Variants in ZZEF1 observed in about 807,000 individuals in gnomAD.
ZZEF1 encodes zinc finger ZZ-type and EF-hand domain-containing protein 1.
Under a neutral mutation model 342.8 loss-of-function variants are expected in ZZEF1, and 157 were observed. The observed-to-expected ratio is 0.46, with a 90% CI of 0.40 to 0.52. The LOEUF is 0.52. Ranked by LOEUF, ZZEF1 falls within the 20% of genes least tolerant of loss-of-function variation. The pLI, the probability that ZZEF1 is intolerant of heterozygous loss-of-function variation, is 0.00. For missense variants in ZZEF1, 3,480 were observed against 3,725.6 expected (o/e 0.93, Z 1.72); for synonymous variants, 1,505 against 1,429.1 (o/e 1.05, Z -1.20).
At chr17:4,074,444 T>G in intron 23 of ZZEF1, 93 bp from the exon 24 acceptor site, 2 of 1,312,340 alleles carry the variant, frequency 1.5e-6, no homozygotes, top group Non-Finnish European at 2.2e-6. Flanking sequence ...CATCTCAGTT[T>G]AAAATTGATC....
chr17:4,050,642 T>A, intron 36 of ZZEF1, 139 bp downstream of exon 36: 1 of 1,229,412 alleles, frequency 8.1e-7, no homozygotes, highest in East Asian at 2.5e-5. Flanking sequence ...AAAAATTAAG[T>A]TCCACACCAG....
At position 4,014,159 on chromosome 17, in the gene ZZEF1, C is replaced by T. The variant is rs778659043; in HGVS notation, c.8344G>A (p.Asp2782Asn). The T allele has an allele frequency of 6.8e-6, 11 of 1,613,948 alleles. No individual in the cohort carries two copies. Among genetic ancestry groups the T allele is most frequent in the East Asian group, 2.2e-5 (1 of 44,894 alleles). ...GDTLYYRFTS[D>N]MSNTEWGYRF... Reference sequence around the variant, plus strand: ...TAGCCCCACTCGGTGTTGCTCATGTCGGAGGTGAAGCGGTAATACAGAGTG... The same window carrying T: ...TAGCCCCACTCGGTGTTGCTCATGTTGGAGGTGAAGCGGTAATACAGAGTG... Residue 2782 changes from aspartate (D) to asparagine (N), a missense_variant, in exon 51 of 55, where the codon GAC becomes AAC. Asp to Asn is a conservative substitution (Grantham distance 23). Coordinates refer to ENST00000381638, the MANE Select transcript of ZZEF1 (RefSeq NM_015113.4). This position sits in a 1 kb window ranked among gnomAD's most constrained non-coding sequence, Gnocchi z 4.4.
chr17:4,082,625 A>C, intron 16 of ZZEF1, 121 bp from the exon 17 acceptor site: 1 of 891,818 alleles, frequency 1.1e-6, no homozygotes, highest in South Asian at 1.5e-5. Context: ...CCAGGCCAGC[A>C]GACTACCTCA....
chr17:4,077,365 T>C (rs1012444463), intron 19 of ZZEF1, among the ~76,000 whole-genome samples: 1 of 152,122 alleles, frequency 6.6e-6, no homozygotes, highest in Non-Finnish European at 1.5e-5. Flanking sequence ...AATATAAGTG[T>C]TTTCGTCACA....
chr17:4,132,808 T>C (rs112907009), intron 1 of ZZEF1, among the ~76,000 whole-genome samples: 4 of 145,268 alleles, frequency 2.8e-5, no homozygotes, highest in South Asian at 4.7e-4. Flanking sequence ...CTACTAAAAA[T>C]ACAAAAAATT....
At chr17:4,082,916 C>T (rs1333225465) in intron 16 of ZZEF1, among the ~76,000 whole-genome samples, 1 of 152,178 alleles carries the variant, frequency 6.6e-6, no homozygotes, top group East Asian at 1.9e-4. Context: ...TCTAGGATTA[C>T]AGGAGCCCAC....
chr17:4,075,008 A>G (rs952525363), intron 23 of ZZEF1, 89 bp downstream of exon 23: 5 of 1,331,624 alleles, frequency 3.8e-6, no homozygotes, highest in Non-Finnish European at 5.3e-6. Flanking sequence ...CCTCCCTTCA[A>G]AGACCTTACC....
intron 21 of ZZEF1, among the ~76,000 whole-genome samples, 191 bp from the exon 22 acceptor site, chr17:4,075,620 CGAG>C (rs1567818267): frequency 6.6e-6 from 1 of 152,144 alleles, no homozygotes; most frequent in Non-Finnish European, 1.5e-5. Context: ...ACCACGCAGC[CGAG>C]GAGATGTGCT....
chr17:4,108,861 C>T (rs1469881040), intron 6 of ZZEF1, among the ~76,000 whole-genome samples: 1 of 152,198 alleles, frequency 6.6e-6, no homozygotes, highest in African/African-American at 2.4e-5. Flanking sequence ...TATTTGCTAA[C>T]AGTTTTACTC....
In ZZEF1 at chr17:4,024,927, T is replaced by G; in HGVS notation, c.7084A>C (p.Thr2362Pro). 6.2e-7 allele frequency: 1 copy of G among 1,614,178 alleles called. No individual in the cohort carries two copies. Among genetic ancestry groups the G allele is most frequent in the Non-Finnish European group, 8.5e-7 (1 of 1,180,026 alleles). ...GAGAAGCTCCCCATTACCTTTAGTG[T>G]TTTATACAATCCTTTCAGGGCCAGG... ...LSLALKGLYK[T>P]LKAHGFEEIR... Residue 2362 changes from threonine to proline, a missense_variant, in exon 43 of 55, where the codon ACA becomes CCA. Thr to Pro is a conservative substitution (Grantham distance 38). This residue lies in a region of ZZEF1 where 1,269 missense variants were observed against 1,342.4 expected (regional missense o/e 0.95). Transcript: ENST00000381638.
Position 4,032,117 on chromosome 17 carries a change from G to A in ZZEF1, c.6892+9C>T, listed in dbSNP as rs192885514. 644 of 1,603,546 alleles carry A rather than the reference G, an allele frequency of 4.0e-4. 5 individuals carry two copies. Among genetic ancestry groups the A allele is most frequent in the Middle Eastern group, 1.7e-3 (10 of 6,002 alleles). On this transcript the variant is annotated intron_variant, in intron 42 of 54. Coordinates refer to ENST00000381638, the MANE Select transcript of ZZEF1 (RefSeq NM_015113.4). The stretch of plus-strand genomic sequence containing the variant: ...TCCATTCTTAGAAAAAAATAATTAC[G>A]CATGGTACCTGTTTTCCTCTTCCGA...
At chr17:4,098,165 G>A (rs1306879984) in intron 9 of ZZEF1, among the ~76,000 whole-genome samples, 1 of 151,474 alleles carries the variant, frequency 6.6e-6, no homozygotes, top group African/African-American at 2.4e-5. Flanking sequence ...TTGAACCCGG[G>A]AGGCGGAGGA....
In ZZEF1 at chr17:4,076,931, G is replaced by A. The variant is rs886388420; in HGVS notation, c.3048C>T (p.Tyr1016=). Residue 1016 remains tyrosine (Y), a synonymous_variant, in exon 20 of 55, where the codon TAC becomes TAT. Coordinates refer to ENST00000381638, the MANE Select transcript of ZZEF1 (RefSeq NM_015113.4). Reference sequence around the variant, plus strand: ...ATCTTTCTACTATGGTTTTTCCACTGTACTGTGAGAAAAGGGATTCCAAAA... The same window carrying A: ...ATCTTTCTACTATGGTTTTTCCACTATACTGTGAGAAAAGGGATTCCAAAA... ...RAILESLFSQ[Y]SGKTIVERLC... is the part of the protein sequence containing the mutation. 5.0e-6 allele frequency: 8 copies of A among 1,613,992 alleles called. No individual in the cohort carries two copies. Among genetic ancestry groups the A allele is most frequent in the African/African-American group, 1.3e-5 (1 of 74,908 alleles).
At chr17:4,050,281 G>C (rs553729604) in intron 36 of ZZEF1, among the ~76,000 whole-genome samples, 3 of 152,260 alleles carry the variant, frequency 2.0e-5, no homozygotes, top group African/African-American at 7.2e-5. Context: ...GACTAGAATG[G>C]GGATGCCATT....
chr17:4,047,664 C>T (rs896408046), intron 37 of ZZEF1, among the ~76,000 whole-genome samples: 1 of 137,176 alleles, frequency 7.3e-6, no homozygotes, highest in Non-Finnish European at 1.5e-5. Flanking sequence ...GAAAAGTGGC[C>T]GGGCGCAGTG....
At chr17:4,058,560 C>T (rs17176065) in intron 31 of ZZEF1, among the ~76,000 whole-genome samples, 4,353 of 152,250 alleles carry the variant, frequency 0.029, 103 homozygotes, top group Admixed American at 0.067. Context: ...GCTTTATACT[C>T]GTTTTCAAAC....
chr17:4,052,161 G>C (rs1048505835), intron 34 of ZZEF1, 25 bp from the exon 35 acceptor site: 2 of 1,594,094 alleles, frequency 1.3e-6, no homozygotes, highest in South Asian at 2.2e-5. Context: ...AGCAGTGTGA[G>C]GGGATGAGGT....
In ZZEF1 at chr17:4,130,570, A is replaced by G. The variant is rs984430526; in HGVS notation, c.355-6519T>C. ...AGAGACCGAAGTGCCCATGAAGTAG[A>G]GCCAACAGACAAAACTAAGGAAACC... On this transcript the variant is annotated intron_variant, in intron 1 of 54. Transcript: ENST00000381638. Among the ~76,000 whole-genome samples, 4 of 152,218 alleles carry G rather than the reference A, an allele frequency of 2.6e-5. No homozygotes were observed. The South Asian group carries it at 6.2e-4, about 24-fold the overall frequency.
chr17:4,044,295 G>A lies in ZZEF1; in HGVS notation c.6095C>T (p.Ser2032Leu), dbSNP rs746722892. The A allele has an allele frequency of 2.7e-5, 44 of 1,614,002 alleles. No homozygotes were observed. The highest frequency in any genetic ancestry group is 9.9e-5 in the South Asian group (9 of 91,082). ...TTGGGTCTGGCATGAAGGATCCTTC[G>A]ATAATGATACACCTTTATCTGCCTT... ...RNKADKGVSL[S>L]KDPSCQTQIS... Residue 2032 changes from serine (S) to leucine (L), a missense_variant, in exon 38 of 55, where the codon TCG becomes TTG. Ser to Leu is a moderately radical substitution (Grantham distance 145). Around this residue, in one of 5 missense-constraint regions of ZZEF1, gnomAD observed 1,269 missense variants for 1,342.4 expected, o/e 0.95. Transcript: ENST00000381638.
Sources: allele counts gnomAD v4.1 joint callset (sites outside exome capture counted in the v4.1 genomes callset), GRCh38; gene constraint gnomAD v4.1.1; regional missense constraint gnomAD v4.1.1; non-coding constraint Gnocchi (gnomAD v3.1); transcripts MANE v1.5; gene names NCBI Gene and HGNC (gene_info 2026-07-23, HGNC 2026-07-21).